Variants in HPD observed in about 807,000 individuals in gnomAD.
HPD encodes the protein 4-hydroxyphenylpyruvate dioxygenase.
In HPD, 35 loss-of-function variants were observed where a neutral mutation model predicts 56.9. The observed-to-expected ratio is 0.62, with a 90% CI of 0.47 to 0.82. HPD has a LOEUF of 0.82. HPD is among the 40% of genes least tolerant of loss of function. The pLI is 0.00. For missense variants in HPD, 442 were observed against 506.8 expected, an observed-to-expected ratio of 0.87 and a Z score of 1.23; for synonymous variants, 186 against 200.2, an observed-to-expected ratio of 0.93 and a Z score of 0.60.
chr12:121,879,509 C>CTCTTCTCTT, the HPD span, among the ~76,000 whole-genome samples: 7 of 17,488 alleles, frequency 4.0e-4, no homozygotes, highest in East Asian at 0.026. Flanking sequence ...TCTCTTTTTT[C>CTCTTCTCTT]TTTTCTTTTC....
intron 2 of HPD, 48 bp from the exon 3 acceptor site, chr12:121,857,867 A>G: frequency 6.7e-7 from 1 of 1,492,612 alleles, no homozygotes; most frequent in Non-Finnish European, 9.3e-7. Context: ...AAGTGAGTCT[A>G]GAAAAGTGCG....
At chr12:121,842,342 G>C (rs961133925) in intron 12 of HPD, among the ~76,000 whole-genome samples, 1 of 151,708 alleles carries the variant, frequency 6.6e-6, no homozygotes, top group Non-Finnish European at 1.5e-5. Flanking sequence ...TGTTTCTCAG[G>C]CTGGTCTTAA....
chr12:121,886,155 C>T, the HPD span, among the ~76,000 whole-genome samples: 1 of 144,698 alleles, frequency 6.9e-6, no homozygotes, highest in Non-Finnish European at 1.5e-5. Context: ...CTCGCCCGGG[C>T]TGGAGTGCAG....
intron 11 of HPD, among the ~76,000 whole-genome samples, chr12:121,844,895 TA>T (rs1347463651): frequency 6.7e-6 from 1 of 148,966 alleles, no homozygotes; most frequent in Non-Finnish European, 1.5e-5. Context: ...TAAAATAAAA[TA>T]AATAAAAAAT....
chr12:121,841,626 T>C (rs1877409993), intron 12 of HPD, among the ~76,000 whole-genome samples: 1 of 151,800 alleles, frequency 6.6e-6, no homozygotes, highest in Admixed American at 6.6e-5. Flanking sequence ...CCCACGCAGA[T>C]GAACCTTGAG....
At chr12:121,887,340 C>T in the HPD span, among the ~76,000 whole-genome samples, 1 of 152,054 alleles carries the variant, frequency 6.6e-6, no homozygotes, top group East Asian at 1.9e-4. Flanking sequence ...GTATGAGCCA[C>T]TGCACCTGTA....
At chr12:121,850,155 C>T (rs1423894407) in intron 7 of HPD, among the ~76,000 whole-genome samples, 2 of 152,060 alleles carry the variant, frequency 1.3e-5, no homozygotes, top group Admixed American at 6.6e-5. Context: ...GGCGCGGTGG[C>T]TTAGGCCTGT....
At chr12:121,854,175 G>C (rs1404354903) in intron 7 of HPD, among the ~76,000 whole-genome samples, 2 of 151,956 alleles carry the variant, frequency 1.3e-5, no homozygotes, top group East Asian at 3.9e-4. Flanking sequence ...AGAGTCACTT[G>C]AACCTGGGAG....
At chr12:121,886,610 G>C in the HPD span, among the ~76,000 whole-genome samples, 3 of 151,694 alleles carry the variant, frequency 2.0e-5, no homozygotes, top group Non-Finnish European at 4.4e-5. Flanking sequence ...CACTTTCTTC[G>C]GACCACTTGC....
rs1457588448 is a variant in HPD at position 121,843,774 on chromosome 12, T to A, written c.890A>T (p.Lys297Ile). ...EFLSVPSTYYKQLREKLKTAK... is the reference protein window; with the variant it reads ...EFLSVPSTYYIQLREKLKTAK... ...CGTCTTCAGCTTCTCCCGCAGTTGTTTGTAGTACGTGGAGGGAACAGATAA... is the reference window on the plus strand; with the variant it reads ...CGTCTTCAGCTTCTCCCGCAGTTGTATGTAGTACGTGGAGGGAACAGATAA... The change falls in exon 12 of 14, where the codon AAA becomes ATA. Residue 297 changes from lysine (K) to isoleucine (I), a missense_variant. By Grantham distance (102) the Lys-to-Ile change is moderately radical. Coordinates refer to ENST00000289004, the MANE Select transcript of HPD (RefSeq NM_002150.3). 5 of 1,614,020 alleles carry A rather than the reference T, an allele frequency of 3.1e-6. No individual in the cohort carries two copies. The Admixed American group carries it at 5.0e-5, about 16-fold the overall frequency.
intron 8 of HPD, among the ~76,000 whole-genome samples, 169 bp from the exon 9 acceptor site, chr12:121,849,245 G>A (rs188671346): frequency 2.0e-5 from 3 of 151,560 alleles, no homozygotes; most frequent in Admixed American, 2.0e-4. Context: ...GCCCAGGTTG[G>A]TCTAAAACTC....
the HPD span, among the ~76,000 whole-genome samples, chr12:121,871,713 T>C: frequency 2.0e-5 from 3 of 152,068 alleles, no homozygotes; most frequent in African/African-American, 7.2e-5. Flanking sequence ...GCACCAGTGA[T>C]GGCTGGGAGG....
At chr12:121,866,930 A>T (rs1878343166), upstream of HPD, among the ~76,000 whole-genome samples, 1 of 151,962 alleles carries the variant, frequency 6.6e-6, no homozygotes, top group African/African-American at 2.4e-5. Flanking sequence ...TCCTCAATCC[A>T]CCCTCATCCC....
intron 7 of HPD, among the ~76,000 whole-genome samples, chr12:121,853,723 C>T (rs1247168492): frequency 6.6e-6 from 1 of 151,334 alleles, no homozygotes; most frequent in Non-Finnish European, 1.5e-5. Context: ...GCGGATGGAT[C>T]ACTTGAGGTC....
At chr12:121,844,817 C>T (rs1877523131) in intron 11 of HPD, among the ~76,000 whole-genome samples, 1 of 150,838 alleles carries the variant, frequency 6.6e-6, no homozygotes, top group Admixed American at 6.6e-5. Context: ...GGAGGCAGAG[C>T]TTGCAGTGAG....
upstream of HPD, among the ~76,000 whole-genome samples, chr12:121,864,995 T>C (rs552656439): frequency 8.6e-5 from 13 of 150,528 alleles, no homozygotes; most frequent in African/African-American, 3.2e-4. Flanking sequence ...CGTCTGGGCA[T>C]ATTGGCTCAC....
chr12:121,883,179 GTTGTGTGT>G, the HPD span, among the ~76,000 whole-genome samples: 1 of 117,434 alleles, frequency 8.5e-6, no homozygotes, highest in South Asian at 3.0e-4. Context: ...TGGAGCATAA[GTTGTGTGT>G]GTGTGTGTGT....
the HPD span, among the ~76,000 whole-genome samples, chr12:121,887,692 C>T: frequency 6.6e-6 from 1 of 152,204 alleles, no homozygotes; most frequent in Non-Finnish European, 1.5e-5. Flanking sequence ...AGTTGATGCA[C>T]ATCTTTAGTG....
chr12:121,860,551 A>G (rs1457111958), upstream of HPD, among the ~76,000 whole-genome samples: 1 of 152,010 alleles, frequency 6.6e-6, no homozygotes, highest in Non-Finnish European at 1.5e-5. Flanking sequence ...AGGGCCCAGT[A>G]TCCAGAGTCC....
Sources: allele counts gnomAD v4.1 joint callset (sites outside exome capture counted in the v4.1 genomes callset), GRCh38; gene constraint gnomAD v4.1.1; transcripts MANE v1.5; gene names NCBI Gene and HGNC (gene_info 2026-07-23, HGNC 2026-07-21).